Variants in SAXO1 observed in about 807,000 individuals in gnomAD.
The protein encoded by SAXO1 is stabilizer of axonemal microtubules 1, also known as 4930500O09Rik.
Under a neutral mutation model 17.5 loss-of-function variants are expected in SAXO1, and 21 were observed. The ratio of observed to expected loss-of-function variants is 1.20; its 90% CI spans 0.85 to 1.72. The LOEUF (loss-of-function observed/expected upper bound fraction) is 1.72, where lower values mean the gene tolerates loss of function less well. Ranked by LOEUF, SAXO1 falls within the 40% of genes most tolerant of loss-of-function variation. SAXO1 has a pLI of 0.00. For missense variants in SAXO1, 843 were observed against 596.0 expected, an observed-to-expected ratio of 1.41 and a Z score of -4.32; for synonymous variants, 274 against 216.5, an observed-to-expected ratio of 1.27 and a Z score of -2.33.
At chr9:18,931,765 T>C (rs1588395320) in intron 3 of SAXO1, among the ~76,000 whole-genome samples, 1 of 152,244 alleles carries the variant, frequency 6.6e-6, no homozygotes, top group Non-Finnish European at 1.5e-5. Flanking sequence ...ATTTCTCTAA[T>C]GACTAATGAT....
At chr9:18,972,984 A>T (rs73431212) in intron 1 of SAXO1, among the ~76,000 whole-genome samples, 1 of 151,788 alleles carries the variant, frequency 6.6e-6, no homozygotes, top group African/African-American at 2.4e-5. Context: ...TGAAAAAAAC[A>T]CTCCCCACAA....
At chr9:18,954,556 C>A (rs974782657) in intron 1 of SAXO1, among the ~76,000 whole-genome samples, 2 of 152,084 alleles carry the variant, frequency 1.3e-5, no homozygotes, top group African/African-American at 4.8e-5. Context: ...AAGCTGGTAT[C>A]GAACTCCTGA....
intron 1 of SAXO1, among the ~76,000 whole-genome samples, chr9:18,964,760 T>C (rs1193732184): frequency 5.3e-5 from 8 of 152,224 alleles, no homozygotes; most frequent in Non-Finnish European, 1.2e-4. Flanking sequence ...ACTCCCTCAA[T>C]TCTGTTCTGA....
intron 1 of SAXO1, among the ~76,000 whole-genome samples, chr9:19,042,408 G>T (rs112486482): frequency 2.0e-5 from 3 of 152,240 alleles, no homozygotes; most frequent in African/African-American, 7.2e-5. Context: ...GCTAAAAATG[G>T]TACTATCATA....
chr9:18,969,894 G>C (rs368200739), intron 1 of SAXO1, among the ~76,000 whole-genome samples: 12 of 152,346 alleles, frequency 7.9e-5, no homozygotes, highest in African/African-American at 2.9e-4. Flanking sequence ...CAATATCATA[G>C]AACAGTCCAT....
chr9:18,951,075 C>T lies in SAXO1; in HGVS notation c.39-138G>A, dbSNP rs533574728. On this transcript the variant is annotated intron_variant, in intron 1 of 3. Coordinates refer to ENST00000380534, the MANE Select transcript of SAXO1 (RefSeq NM_153707.4). ...ATTGAAAACCAGAATTCAACGGTTA[C>T]TTTTTTCCACTAAACTACGTGAAGT... is the stretch of plus-strand genomic sequence containing the variant. 5 of 846,074 alleles carry T rather than the reference C, an allele frequency of 5.9e-6. No individual in the cohort carries two copies. The African/African-American group carries it at 6.8e-5, about 12-fold the overall frequency. 52.4% of individuals were successfully genotyped at this position (846,074 alleles called of 1,614,324 possible).
At chr9:19,036,521 G>T (rs1367875644), upstream of SAXO1, among the ~76,000 whole-genome samples, 1 of 151,926 alleles carries the variant, frequency 6.6e-6, no homozygotes, top group African/African-American at 2.4e-5. Flanking sequence ...TTGGTGCCCT[G>T]CATCCCAGCT....
intron 3 of SAXO1, among the ~76,000 whole-genome samples, chr9:18,939,693 G>A (rs569744724): frequency 6.6e-6 from 1 of 152,294 alleles, no homozygotes; most frequent in South Asian, 2.1e-4. Flanking sequence ...GAAGACACCA[G>A]GACTTCCAAG....
chr9:19,041,907 C>A (rs568737869), intron 1 of SAXO1, among the ~76,000 whole-genome samples: 41 of 152,006 alleles, frequency 2.7e-4, no homozygotes, highest in Non-Finnish European at 4.9e-4. Context: ...AGTAATACCC[C>A]ACAAGCACAG....
At chr9:19,005,328 A>G (rs1347962966) in intron 1 of SAXO1, among the ~76,000 whole-genome samples, 3 of 152,078 alleles carry the variant, frequency 2.0e-5, no homozygotes, top group Non-Finnish European at 2.9e-5. Flanking sequence ...ATAATCTTGG[A>G]GAAAAAAAAA....
chr9:18,966,197 C>T (rs572521374), intron 1 of SAXO1, among the ~76,000 whole-genome samples: 11 of 152,260 alleles, frequency 7.2e-5, no homozygotes, highest in African/African-American at 2.4e-4. Flanking sequence ...CAACCTTGGT[C>T]AATCTGATGA....
intron 1 of SAXO1, among the ~76,000 whole-genome samples, chr9:18,957,587 C>A (rs1832306173): frequency 6.6e-6 from 1 of 152,190 alleles, no homozygotes; most frequent in Non-Finnish European, 1.5e-5. Context: ...GGGAGGAAAG[C>A]AGTGCAGATA....
At chr9:18,979,304 T>C (rs1833274440) in intron 1 of SAXO1, among the ~76,000 whole-genome samples, 1 of 152,176 alleles carries the variant, frequency 6.6e-6, no homozygotes. Flanking sequence ...GCATGCTAAA[T>C]GGACCTGAGA....
chr9:18,944,466 T>G (rs1275573734), intron 2 of SAXO1, among the ~76,000 whole-genome samples: 1 of 152,234 alleles, frequency 6.6e-6, no homozygotes, highest in Non-Finnish European at 1.5e-5. Flanking sequence ...TCCCCAGAAT[T>G]GCTCCAATTA....
intron 1 of SAXO1, among the ~76,000 whole-genome samples, chr9:19,038,260 T>G (rs1381217922): frequency 6.6e-6 from 1 of 152,154 alleles, no homozygotes; most frequent in East Asian, 1.9e-4. Flanking sequence ...TTACTGGGTA[T>G]ATACCCAAAG....
At chr9:18,993,626 G>A (rs1287836898) in intron 1 of SAXO1, among the ~76,000 whole-genome samples, 2 of 152,208 alleles carry the variant, frequency 1.3e-5, no homozygotes. Flanking sequence ...TTCCATTCCA[G>A]ATGGCTTCAA....
At chr9:18,955,175 C>A (rs9657571) in intron 1 of SAXO1, among the ~76,000 whole-genome samples, 7,211 of 152,114 alleles carry the variant, frequency 0.047, 173 homozygotes, top group Middle Eastern at 0.075. Context: ...CCACTGCACT[C>A]CAGCCTGGGT....
chr9:19,036,099 CT>C (rs1219678568), upstream of SAXO1, among the ~76,000 whole-genome samples: 1 of 74,438 alleles, frequency 1.3e-5, no homozygotes, highest in East Asian at 3.9e-4. Context: ...ACACTGGGGC[CT>C]GGCGGGGGGT....
Position 19,046,351 on chromosome 9 carries a change from G to A in SAXO1, c.-158+2858C>T, listed in dbSNP as rs531695935. ...GATGAGAAAAATCTCCTGGAAAGTA[G>A]AACAAAAAGACAGAAATAGAAAATA... On this transcript the variant is annotated intron_variant, in intron 1 of 3. Transcript: ENST00000542071. Among the ~76,000 whole-genome samples, 10 of 152,156 alleles carry A rather than the reference G, an allele frequency of 6.6e-5. No homozygotes were observed. In the South Asian group the frequency reaches 1.5e-3, roughly 22 times the overall value.
Sources: allele counts gnomAD v4.1 joint callset (sites outside exome capture counted in the v4.1 genomes callset), GRCh38; gene constraint gnomAD v4.1.1; transcripts MANE v1.5; gene names NCBI Gene and HGNC (gene_info 2026-07-23, HGNC 2026-07-21).